The following DLC1 variants were observed in gnomAD, a reference collection of about 807,000 sequenced individuals.
DLC1 encodes DLC1 Rho GTPase activating protein.
In DLC1, 54 loss-of-function variants were observed where a neutral mutation model predicts 140.3. The observed-to-expected ratio is 0.38, with a 90% confidence interval of 0.31 to 0.48. The LOEUF is 0.48. Among genes scored for constraint, DLC1 ranks in the 20% least tolerant of loss-of-function variants. The pLI is 0.96. For synonymous variants in DLC1, 986 were observed against 728.1 expected (o/e 1.35, Z -5.70); for missense variants, 2,536 against 1,907.0 (o/e 1.33, Z -6.14).
intron 5 of DLC1, among the ~76,000 whole-genome samples, chr8:13,271,066 C>T (rs1012680008): frequency 5.3e-5 from 8 of 152,160 alleles, no homozygotes; most frequent in Admixed American, 2.6e-4. Context: ...ATAATATATT[C>T]TCTCATCAAA....
intron 4 of DLC1, among the ~76,000 whole-genome samples, chr8:13,364,212 C>A (rs1188773689): frequency 6.6e-6 from 1 of 152,146 alleles, no homozygotes; most frequent in African/African-American, 2.4e-5. Context: ...GTCAGCCCAT[C>A]ACCTTCCTCT....
rs148393917 is a variant in DLC1 at position 13,440,583 on chromosome 8, T to A, written c.1024-38964A>T. Among the ~76,000 whole-genome samples, 23 of 152,146 alleles carry A rather than the reference T, an allele frequency of 1.5e-4. No individual in the cohort carries two copies. The East Asian group carries it at 4.5e-3, about 29-fold the overall frequency. ...CATCCAATTCTCTTTCTATGTAACA[T>A]AGGAATATTTCAGAGTAGGCCATGG... On this transcript the variant is annotated intron_variant, in intron 2 of 17. Coordinates refer to ENST00000276297, the MANE Select transcript of DLC1 (RefSeq NM_182643.3).
At chr8:13,266,620 C>T (rs1830698164) in intron 5 of DLC1, among the ~76,000 whole-genome samples, 1 of 152,104 alleles carries the variant, frequency 6.6e-6, no homozygotes, top group African/African-American at 2.4e-5. Context: ...TGGCAGGTGC[C>T]TGTAGTCCCA....
chr8:13,326,812 G>A (rs551304089), intron 4 of DLC1, among the ~76,000 whole-genome samples: 9 of 152,186 alleles, frequency 5.9e-5, no homozygotes, highest in South Asian at 2.1e-4. Flanking sequence ...CACTGCTCCG[G>A]CTCTAGGAAT....
intron 5 of DLC1, among the ~76,000 whole-genome samples, chr8:13,190,336 G>C (rs556035258): frequency 1.3e-5 from 2 of 152,092 alleles, no homozygotes; most frequent in Admixed American, 1.3e-4. Flanking sequence ...TTGCTGGTGA[G>C]AGCCAGGGAT....
At chr8:13,479,703 G>C (rs945948354) in intron 2 of DLC1, among the ~76,000 whole-genome samples, 10 of 86,596 alleles carry the variant, frequency 1.2e-4, no homozygotes, top group Admixed American at 1.1e-3. Context: ...AGTTTGGGAG[G>C]CTGAGGCAGG....
At chr8:13,509,565 A>G (rs939642780) in intron 1 of DLC1, among the ~76,000 whole-genome samples, 3 of 152,252 alleles carry the variant, frequency 2.0e-5, no homozygotes, top group Non-Finnish European at 4.4e-5. Flanking sequence ...TGATAATTAT[A>G]GTAAAAACAT....
intron 5 of DLC1, among the ~76,000 whole-genome samples, chr8:13,195,947 T>G (rs1367148686): frequency 6.6e-6 from 1 of 152,206 alleles, no homozygotes; most frequent in Non-Finnish European, 1.5e-5. Context: ...ATTACCACCA[T>G]TTAACAAAAT....
chr8:13,340,627 C>T (rs1010082402), intron 4 of DLC1: 5 of 152,110 alleles, frequency 3.3e-5, no homozygotes, highest in African/African-American at 7.2e-5. Context: ...ATTTCTGCTC[C>T]TAATTTCCTT....
chr8:13,261,902 GT>G (rs772585559), intron 5 of DLC1, among the ~76,000 whole-genome samples: 5 of 152,172 alleles, frequency 3.3e-5, no homozygotes, highest in Non-Finnish European at 7.3e-5. Flanking sequence ...ACTTCACAGA[GT>G]TATTAAGCAT....
chr8:13,099,414 C>T lies in DLC1; in HGVS notation c.2923G>A (p.Glu975Lys), dbSNP rs756654970. 4 of 1,614,126 alleles carry T rather than the reference C, an allele frequency of 2.5e-6. No homozygotes were observed. The highest frequency in any genetic ancestry group is 3.4e-6 in the Non-Finnish European group (4 of 1,180,016). ...CTTTCCGGGATCTCGGAGGGCTCTT[C>T]CGGTTCATTCAGGGAGTTGCCTGTG... The part of the protein sequence containing the change: ...DSTGNSLNEP[E>K]EPSEIPERRD... The change falls in exon 9 of 18, where the codon GAA (glutamate) becomes AAA (lysine). Residue 975 changes from glutamate to lysine, a missense_variant. Physicochemically the swap from Glu to Lys is moderately conservative, Grantham distance 56 (BLOSUM62 1). Coordinates refer to ENST00000276297, the MANE Select transcript of DLC1 (RefSeq NM_182643.3).
At chr8:13,250,614 G>A (rs1157653844) in intron 5 of DLC1, among the ~76,000 whole-genome samples, 1 of 152,070 alleles carries the variant, frequency 6.6e-6, no homozygotes, top group African/African-American at 2.4e-5. Context: ...ATAACGATAA[G>A]GCTTTAAGTT....
At chr8:13,426,413 T>C (rs1030267497) in intron 2 of DLC1, among the ~76,000 whole-genome samples, 4 of 152,212 alleles carry the variant, frequency 2.6e-5, no homozygotes, top group Admixed American at 6.5e-5. Context: ...GTACTAGTAA[T>C]TGAATACCAA....
At chr8:13,592,131 A>G (rs1208441503) in intron 1 of DLC1, among the ~76,000 whole-genome samples, 2 of 152,060 alleles carry the variant, frequency 1.3e-5, no homozygotes, top group Non-Finnish European at 2.9e-5. Context: ...TAAAGAGAGC[A>G]AGGGGCCTGA....
chr8:13,218,033 A>G (rs183207467), intron 5 of DLC1, among the ~76,000 whole-genome samples: 69 of 152,228 alleles, frequency 4.5e-4, no homozygotes, highest in African/African-American at 1.2e-3. Flanking sequence ...AGTCCTCTCT[A>G]CTTGTAGAAA....
intron 5 of DLC1, among the ~76,000 whole-genome samples, chr8:13,182,175 G>C (rs900150320): frequency 3.3e-5 from 5 of 151,976 alleles, no homozygotes; most frequent in African/African-American, 1.2e-4. Flanking sequence ...CCCACTTTTT[G>C]ATAGGGTTTT....
intron 2 of DLC1, among the ~76,000 whole-genome samples, chr8:13,441,945 C>A (rs970000855): frequency 6.6e-6 from 1 of 152,206 alleles, no homozygotes; most frequent in Non-Finnish European, 1.5e-5. Flanking sequence ...CACTATTTGA[C>A]TTCAAACTAT....
intron 5 of DLC1, among the ~76,000 whole-genome samples, chr8:13,243,766 A>G (rs1214432590): frequency 3.3e-5 from 5 of 152,240 alleles, no homozygotes; most frequent in African/African-American, 1.2e-4. Flanking sequence ...TCAAGTTACT[A>G]GCAACATCTG....
chr8:13,123,630 C>T (rs35971050), intron 5 of DLC1, among the ~76,000 whole-genome samples: 11,758 of 151,872 alleles, frequency 0.077, 552 homozygotes, highest in South Asian at 0.13. Context: ...GGATGACTGG[C>T]GTGGGCCGTG....
Sources: gnomAD v4.1 joint callset for allele counts (sites outside exome capture counted in the v4.1 genomes callset) on GRCh38, gnomAD v4.1.1 for gene constraint, MANE v1.5 for transcripts, NCBI Gene and HGNC (gene_info 2026-07-23, HGNC 2026-07-21) for gene names.